The following FANCA variants were observed in gnomAD, a reference collection of about 807,000 sequenced individuals.
FANCA encodes FA complementation group A, also known as Fanconi anemia group A protein.
FANCA carries 236 observed loss-of-function variants against 194.3 expected under a neutral mutation model. The observed-to-expected ratio is 1.21, with a 90% CI of 1.09 to 1.35. The LOEUF (loss-of-function observed/expected upper bound fraction) is 1.35, where lower values mean the gene tolerates loss of function less well. Among genes scored for constraint, FANCA ranks in the 40% most tolerant of loss-of-function variants. The pLI is 0.00. For synonymous variants in FANCA, 1,014 were observed against 715.8 expected (o/e 1.42, Z -6.65); for missense variants, 2,628 against 1,813.9 (o/e 1.45, Z -8.15).
At chr16:89,797,090 G>A (rs1450600089) in intron 10 of FANCA, among the ~76,000 whole-genome samples, 1 of 152,196 alleles carries the variant, frequency 6.6e-6, no homozygotes, top group Non-Finnish European at 1.5e-5. Flanking sequence ...AACCCAGGGA[G>A]CGGAGCTTGC....
In FANCA at chr16:89,767,148, A is replaced by C. The variant is rs1331781220; in HGVS notation, c.2594T>G (p.Ile865Ser). 5.0e-6 allele frequency: 8 copies of C among 1,610,644 alleles called. No homozygotes were observed. Among genetic ancestry groups the C allele is most frequent in the Non-Finnish European group, 6.8e-6 (8 of 1,176,964 alleles). Residue 865 changes from isoleucine to serine, a missense_variant, in exon 27 of 43, where the codon ATT becomes AGT. Physicochemically the swap from Ile to Ser is moderately radical, Grantham distance 142 (BLOSUM62 -2). Transcript: ENST00000389301. ...TLCSCLSPGL[I>S]KKFQFLMFRL... is the part of the protein sequence containing the mutation. The stretch of plus-strand genomic sequence containing the variant: ...GGAAAAGAGTGAACCTACCTTTTTA[A>C]TAAGGCCTGGAGATAAGCAGCTGCA...
At position 89,738,454 on chromosome 16, in the gene FANCA, G is replaced by T; in HGVS notation, c.*147C>A. On this transcript the variant is annotated 3_prime_UTR_variant, in exon 43 of 43. Coordinates refer to ENST00000389301, the MANE Select transcript of FANCA (RefSeq NM_000135.4). Reference sequence around the variant, plus strand: ...CGCAAACGCTGAGTGACTCGGGGCCGGACAGTTCATAAATAATTGATTCCT... The same window carrying T: ...CGCAAACGCTGAGTGACTCGGGGCCTGACAGTTCATAAATAATTGATTCCT... The T allele has an allele frequency of 1.4e-6, 2 of 1,407,564 alleles. No homozygotes were observed. The highest frequency in any genetic ancestry group is 9.8e-7 in the Non-Finnish European group (1 of 1,024,784). The allele number at this position is 1,407,564 out of a possible 1,614,324, so 87.2% of individuals were successfully genotyped here.
chr16:89,793,057 C>A (rs1435516281), intron 11 of FANCA, among the ~76,000 whole-genome samples: 2 of 152,316 alleles, frequency 1.3e-5, no homozygotes, highest in Admixed American at 1.3e-4. Flanking sequence ...TGAAGCACAG[C>A]ATCACAGGGA....
Position 89,796,092 on chromosome 16 carries a change from C to T in FANCA, c.894-74G>A. 4.3e-6 allele frequency: 5 copies of T among 1,165,286 alleles called. No homozygotes were observed. In the South Asian group the frequency reaches 6.1e-5, roughly 14 times the overall value. 72.2% of individuals were successfully genotyped at this position (1,165,286 alleles called of 1,614,324 possible). A position where few individuals can be genotyped will look rare whatever the true frequency, so the allele number is the denominator to read the frequency against. On this transcript the variant is annotated intron_variant, in intron 10 of 42. Transcript: ENST00000389301. The stretch of plus-strand genomic sequence containing the variant: ...CGCCACCCACCAATCCCAGCACAAA[C>T]TGTGGCTCAGGCTCATCCCTTCTTT...
Position 89,803,402 on chromosome 16 carries a change from G to A in FANCA, c.710-61C>T. 3 of 1,458,094 alleles carry A rather than the reference G, an allele frequency of 2.1e-6. No homozygotes were observed. In the South Asian group the frequency reaches 3.4e-5, roughly 17 times the overall value. The allele number at this position is 1,458,094 out of a possible 1,614,324, so 90.3% of individuals were successfully genotyped here. A position where few individuals can be genotyped will look rare whatever the true frequency, so the allele number is the denominator to read the frequency against. ...TCATGGTCTCCAAGCAACTGTGAATGGCACAGACCATCCACTTCAGAGGGG... is the reference window on the plus strand; with the variant it reads ...TCATGGTCTCCAAGCAACTGTGAATAGCACAGACCATCCACTTCAGAGGGG... On this transcript the variant is annotated intron_variant, in intron 7 of 42. Coordinates refer to ENST00000389301, the MANE Select transcript of FANCA (RefSeq NM_000135.4).
chr16:89,761,188 G>C (rs546981824), intron 29 of FANCA, among the ~76,000 whole-genome samples: 25 of 152,324 alleles, frequency 1.6e-4, no homozygotes, highest in African/African-American at 5.1e-4. Flanking sequence ...GGGAGGCCAA[G>C]GCAAGTGGAT....
chr16:89,748,521 A>C, intron 33 of FANCA, 138 bp downstream of exon 33: 1 of 762,144 alleles, frequency 1.3e-6, no homozygotes, highest in Non-Finnish European at 2.3e-6. Context: ...ATGGCATTCC[A>C]GACACTGTTC....
Position 89,764,901 on chromosome 16 carries a change from C to T in FANCA, c.2767G>A (p.Glu923Lys), listed in dbSNP as rs750360972. 1.2e-6 allele frequency: 2 copies of T among 1,614,068 alleles called. No individual in the cohort carries two copies. Among genetic ancestry groups the T allele is most frequent in the Non-Finnish European group, 1.7e-6 (2 of 1,179,944 alleles). ...GAACGGTCACCTACGTGAACATCTT[C>T]CTCTTTCAACACCTCTCGGAAGGTT... The part of the protein sequence containing the change: ...HRTFREVLKE[E>K]DVHLTYQDWL... The change falls in exon 28 of 43, where the codon GAA becomes AAA. Residue 923 changes from glutamate (E) to lysine (K), a missense_variant. Transcript: ENST00000389301.
chr16:89,760,026 G>C (rs974507725), intron 29 of FANCA, among the ~76,000 whole-genome samples: 7 of 152,184 alleles, frequency 4.6e-5, no homozygotes, highest in Non-Finnish European at 1.0e-4. Context: ...CGGAACTGGG[G>C]TGCTCCACCC....
At chr16:89,777,883 C>A (rs1016274642) in intron 20 of FANCA, among the ~76,000 whole-genome samples, 1 of 149,270 alleles carries the variant, frequency 6.7e-6, no homozygotes, top group African/African-American at 2.5e-5. Flanking sequence ...ATGATGCAGC[C>A]GGGTGCGGTA....
At chr16:89,780,010 G>C (rs755300978) in intron 17 of FANCA, 53 bp from the exon 18 acceptor site, 25 of 1,526,996 alleles carry the variant, frequency 1.6e-5, no homozygotes, top group Non-Finnish European at 2.3e-5. Context: ...TTAAAGAAAA[G>C]ACTGAGCAGT....
intron 38 of FANCA, 54 bp from the exon 39 acceptor site, chr16:89,740,153 G>T: frequency 7.1e-7 from 1 of 1,401,360 alleles, no homozygotes; most frequent in Non-Finnish European, 1.0e-6. Context: ...GCTCCCATGG[G>T]TAGGAGGGTA....
intron 8 of FANCA, among the ~76,000 whole-genome samples, chr16:89,800,389 C>T (rs1301187328): frequency 6.6e-6 from 1 of 152,208 alleles, no homozygotes; most frequent in Non-Finnish European, 1.5e-5. Flanking sequence ...AACAGACTTC[C>T]TCAAACAAAG....
chr16:89,797,407 C>A (rs561908164), intron 10 of FANCA, among the ~76,000 whole-genome samples: 3 of 152,250 alleles, frequency 2.0e-5, no homozygotes, highest in South Asian at 4.1e-4. Context: ...ACACACCCAA[C>A]GAGGCCACGT....
intron 20 of FANCA, among the ~76,000 whole-genome samples, chr16:89,776,476 T>A (rs17226428): frequency 0.06 from 9,109 of 151,642 alleles, 423 homozygotes; most frequent in East Asian, 0.23. Flanking sequence ...AAAACATGAA[T>A]CTTTGTTAAT....
At chr16:89,797,030 G>C (rs1462047831) in intron 10 of FANCA, among the ~76,000 whole-genome samples, 1 of 152,086 alleles carries the variant, frequency 6.6e-6, no homozygotes, top group African/African-American at 2.4e-5. Context: ...CATGGTGGTG[G>C]GCACCTGTAG....
In FANCA at chr16:89,773,446, T is replaced by C. The variant is rs17226519; in HGVS notation, c.1901-62A>G. On this transcript the variant is annotated intron_variant, in intron 21 of 42. Coordinates refer to ENST00000389301, the MANE Select transcript of FANCA (RefSeq NM_000135.4). The stretch of plus-strand genomic sequence containing the variant: ...TCAACAGGACTCTTCACTGCAAAAA[T>C]AGAAACTTCACACAGTCAAATACAG... 0.069 allele frequency: 81,706 copies of C among 1,192,658 alleles called. 3,449 individuals carry two copies. Among genetic ancestry groups the C allele is most frequent in the East Asian group, 0.16 (6,280 of 39,048 alleles). 73.9% of individuals were successfully genotyped at this position (1,192,658 alleles called of 1,614,324 possible). A position where few individuals can be genotyped will look rare whatever the true frequency, so the allele number is the denominator to read the frequency against.
At chr16:89,790,196 T>C (rs1224196929) in intron 14 of FANCA, among the ~76,000 whole-genome samples, 1 of 151,196 alleles carries the variant, frequency 6.6e-6, no homozygotes, top group African/African-American at 2.4e-5. Context: ...AAGGTCAGGA[T>C]TTTGAGACCA....
At chr16:89,791,151 G>T (rs984402257) in intron 14 of FANCA, 9 of 555,320 alleles carry the variant, frequency 1.6e-5, no homozygotes, top group African/African-American at 1.3e-4. Flanking sequence ...GAAACCAGGG[G>T]AAGGAGCTGA....
Sources: gnomAD v4.1 joint callset for allele counts (sites outside exome capture counted in the v4.1 genomes callset) on GRCh38, gnomAD v4.1.1 for gene constraint, MANE v1.5 for transcripts, NCBI Gene and HGNC (gene_info 2026-07-23, HGNC 2026-07-21) for gene names.